PAK4: variants seen among roughly 807,000 people sequenced by gnomAD.
PAK4 encodes serine/threonine-protein kinase PAK 4.
Under a neutral mutation model 53.5 loss-of-function variants are expected in PAK4, and 49 were observed. That is an observed-to-expected ratio of 0.92 (90% CI 0.73 to 1.16). PAK4 has a LOEUF of 1.16. Among genes scored for constraint, PAK4 ranks in the 50% most tolerant of loss-of-function variants. PAK4 has a pLI of 0.00. For synonymous variants in PAK4, 376 were observed against 375.6 expected (o/e 1.00, Z -0.01); for missense variants, 824 against 850.7 (o/e 0.97, Z 0.39).
At chr19:39,136,291 G>A (rs534683907) in intron 1 of PAK4, 118 of 151,990 alleles carry the variant, frequency 7.8e-4, no homozygotes, top group Admixed American at 1.7e-3. Flanking sequence ...GTCAGGGCAG[G>A]AACCCTCCCC....
intron 1 of PAK4, among the ~76,000 whole-genome samples, chr19:39,150,636 T>C (rs1568508071): frequency 6.6e-6 from 1 of 151,954 alleles, no homozygotes; most frequent in Admixed American, 6.6e-5. Context: ...CCACCTGTAA[T>C]CCCAGCACTT....
chr19:39,133,017 C>T (rs1410060061), intron 1 of PAK4, among the ~76,000 whole-genome samples: 2 of 152,216 alleles, frequency 1.3e-5, no homozygotes, highest in African/African-American at 2.4e-5. Context: ...GGCCAGCAGT[C>T]CCACAGCAAA....
chr19:39,126,841 A>C (rs2073593877), intron 1 of PAK4, among the ~76,000 whole-genome samples: 1 of 152,208 alleles, frequency 6.6e-6, no homozygotes, highest in Non-Finnish European at 1.5e-5. Flanking sequence ...TGAGTGCTCA[A>C]GATGAACCTA....
intron 1 of PAK4, among the ~76,000 whole-genome samples, chr19:39,141,447 C>G (rs2073908180): frequency 6.6e-6 from 1 of 151,390 alleles, no homozygotes; most frequent in Non-Finnish European, 1.5e-5. Flanking sequence ...TCCCGAGTAG[C>G]TGGGACTACA....
chr19:39,134,033 C>G (rs991183661), intron 1 of PAK4, among the ~76,000 whole-genome samples: 1 of 152,176 alleles, frequency 6.6e-6, no homozygotes, highest in African/African-American at 2.4e-5. Flanking sequence ...ACAGGAGGCC[C>G]CTGTCCTTCT....
In PAK4 at chr19:39,157,381, G is replaced by A. The variant is rs372474715; in HGVS notation, c.-22-12151G>A. On this transcript the variant is annotated intron_variant, in intron 1 of 8. Coordinates refer to ENST00000358301, the Ensembl canonical transcript of PAK4. Reference sequence around the variant, plus strand: ...TATCTATGTGTGGATCTCTTTGGGAGTCTCTGCATCTCTGGGTGCACGAGT... The same window carrying A: ...TATCTATGTGTGGATCTCTTTGGGAATCTCTGCATCTCTGGGTGCACGAGT... Among the ~76,000 whole-genome samples, 48 of 152,222 alleles carry A rather than the reference G, an allele frequency of 3.2e-4. No individual in the cohort carries two copies. In the South Asian group the frequency reaches 1.0e-2, roughly 32 times the overall value.
chr19:39,147,715 G>A (rs1441628749), intron 1 of PAK4, among the ~76,000 whole-genome samples: 1 of 151,788 alleles, frequency 6.6e-6, no homozygotes, highest in African/African-American at 2.4e-5. Context: ...GCTTTAATTT[G>A]CATTTCTCTA....
At chr19:39,153,665 C>T (rs1293383177) in intron 1 of PAK4, among the ~76,000 whole-genome samples, 1 of 152,194 alleles carries the variant, frequency 6.6e-6, no homozygotes, top group South Asian at 2.1e-4. Flanking sequence ...TGGTCTTGAT[C>T]TCCTGACCTC....
At chr19:39,145,685 C>T (rs1046637068) in intron 1 of PAK4, among the ~76,000 whole-genome samples, 3 of 152,152 alleles carry the variant, frequency 2.0e-5, no homozygotes, top group Non-Finnish European at 2.9e-5. Flanking sequence ...GCGCTGGTGC[C>T]GCCTGGGGCC....
chr19:39,160,927 G>A (rs1201647833), intron 1 of PAK4, among the ~76,000 whole-genome samples: 1 of 152,352 alleles, frequency 6.6e-6, no homozygotes, highest in Middle Eastern at 3.4e-3. Context: ...CGGGACCACT[G>A]GGGAACAGGA....
rs775892771 is a variant in PAK4, at chr19:39,175,414, G to A, written c.1335G>A (p.Ser445=). 6.1e-5 allele frequency: 98 copies of A among 1,611,740 alleles called. No individual in the cohort carries two copies. The highest frequency in any genetic ancestry group is 4.9e-5 in the Non-Finnish European group (58 of 1,179,500). ...TCCACCGGGACATCAAGAGCGACTC[G>A]ATCCTGCTGACCCATGATGGCAGGG... The change falls in exon 6 of 9, where the codon TCG becomes TCA. Residue 445 remains serine (S), a synonymous_variant. Coordinates refer to ENST00000358301, the Ensembl canonical transcript of PAK4. This position sits in a 1 kb window ranked among gnomAD's most constrained non-coding sequence, Gnocchi z 4.7.
chr19:39,175,312 G>T lies in PAK4; in HGVS notation c.1233G>T (p.Arg411Ser), dbSNP rs1386287417. Residue 411 changes from arginine to serine, a missense_variant and splice_region_variant, in exon 6 of 9, where the codon AGG (arginine) becomes AGT (serine). Arg to Ser is a moderately radical substitution (Grantham distance 110). Around this residue, in one of 2 missense-constraint regions of PAK4, gnomAD observed 346 missense variants for 415.0 expected, o/e 0.83. Transcript: ENST00000358301. The surrounding 1 kb of genome is among the most constrained non-coding windows in gnomAD (Gnocchi z 4.7). Reference sequence around the variant, plus strand: ...GCTCACCCCCCACCCCACCCCGCAGGATGAACGAGGAGCAGATCGCGGCCG... The same window carrying T: ...GCTCACCCCCCACCCCACCCCGCAGTATGAACGAGGAGCAGATCGCGGCCG... The T allele has an allele frequency of 1.3e-6, 2 of 1,576,050 alleles. No homozygotes were observed. The highest frequency in any genetic ancestry group is 1.3e-5 in the African/African-American group (1 of 74,452).
In PAK4 at chr19:39,130,284, G is replaced by A. The variant is rs560990110; in HGVS notation, c.-23+4365G>A. Among the ~76,000 whole-genome samples the A allele has an allele frequency of 2.9e-4, 43 of 150,684 alleles. No individual in the cohort carries two copies. The South Asian group carries it at 9.1e-3, about 32-fold the overall frequency. ...AGAAGGATGGGGAAACCCAGGCAGA[G>A]GGGTCAGGGCGGGATGGGGAAACCC... On this transcript the variant is annotated intron_variant, in intron 1 of 8. Coordinates refer to ENST00000358301, the Ensembl canonical transcript of PAK4.
chr19:39,174,411 G>A (rs2074559427), intron 4 of PAK4, among the ~76,000 whole-genome samples: 1 of 151,556 alleles, frequency 6.6e-6, no homozygotes, highest in African/African-American at 2.4e-5. Context: ...ACCACCAAGA[G>A]TATGTTTCTG....
intron 1 of PAK4, among the ~76,000 whole-genome samples, chr19:39,160,751 C>T (rs140123986): frequency 1.3e-5 from 2 of 152,298 alleles, no homozygotes; most frequent in Admixed American, 1.3e-4. Context: ...AGTGGGAAGC[C>T]CTGTAGAACT....
intron 1 of PAK4, among the ~76,000 whole-genome samples, chr19:39,137,081 G>A (rs1205451683): frequency 1.3e-5 from 2 of 152,198 alleles, no homozygotes; most frequent in African/African-American, 4.8e-5. Context: ...GCTGCTTCAG[G>A]TGTTCCTGGA....
chr19:39,170,054 A>G (rs957636090), intron 2 of PAK4, among the ~76,000 whole-genome samples: 53 of 152,064 alleles, frequency 3.5e-4, no homozygotes, highest in African/African-American at 1.3e-3. Flanking sequence ...CCCGGGGGCC[A>G]TGCTGCTGTA....
At chr19:39,171,133 G>C (rs1039726841) in intron 2 of PAK4, among the ~76,000 whole-genome samples, 5 of 152,218 alleles carry the variant, frequency 3.3e-5, no homozygotes, top group African/African-American at 1.2e-4. Context: ...CACTGTCCTG[G>C]GGCCCCATAG....
chr19:39,139,274 G>T (rs530003987), intron 1 of PAK4, among the ~76,000 whole-genome samples: 1 of 152,344 alleles, frequency 6.6e-6, no homozygotes, highest in South Asian at 2.1e-4. Context: ...CCCCTTGCCA[G>T]TTCTTGGGAT....
Sources: gnomAD v4.1 joint callset for allele counts (sites outside exome capture counted in the v4.1 genomes callset) on GRCh38, gnomAD v4.1.1 for gene constraint, gnomAD v4.1.1 regional missense constraint, Gnocchi (gnomAD v3.1) non-coding constraint, MANE v1.5 for transcripts, NCBI Gene and HGNC (gene_info 2026-07-23, HGNC 2026-07-21) for gene names.